Variants in GRAMD1B observed in about 807,000 individuals in gnomAD.
GRAMD1B encodes the protein protein Aster-B.
In GRAMD1B, 37 loss-of-function variants were observed where a neutral mutation model predicts 99.7. The observed-to-expected ratio is 0.37, with a 90% confidence interval of 0.29 to 0.49. The LOEUF is 0.49. GRAMD1B is among the 20% of genes least tolerant of loss of function. GRAMD1B has a pLI of 0.98. For synonymous variants in GRAMD1B, 427 were observed against 387.6 expected, an observed-to-expected ratio of 1.10 and a Z score of -1.19; for missense variants, 888 against 1,009.2, an observed-to-expected ratio of 0.88 and a Z score of 1.63.
chr11:123,573,267 C>T (rs938993663), intron 2 of GRAMD1B, among the ~76,000 whole-genome samples: 2 of 152,274 alleles, frequency 1.3e-5, no homozygotes, highest in Admixed American at 6.5e-5. Context: ...AATTGAGGAA[C>T]ATATAGTCTA....
intron 4 of GRAMD1B, among the ~76,000 whole-genome samples, chr11:123,592,323 A>C (rs1365745955): frequency 6.6e-6 from 1 of 152,206 alleles, no homozygotes; most frequent in African/African-American, 2.4e-5. Flanking sequence ...GAGGCAGCAC[A>C]GAGTAGGGGC....
intron 2 of GRAMD1B, among the ~76,000 whole-genome samples, chr11:123,576,588 G>T (rs1433879094): frequency 6.6e-6 from 1 of 152,166 alleles, no homozygotes; most frequent in African/African-American, 2.4e-5. Flanking sequence ...AAGTGGATTT[G>T]GTCCTGTGGG....
chr11:123,530,922 G>C (rs987059040), intron 2 of GRAMD1B, among the ~76,000 whole-genome samples: 8 of 152,120 alleles, frequency 5.3e-5, no homozygotes, highest in Non-Finnish European at 1.0e-4. Flanking sequence ...TGCCTTGGGT[G>C]GTGGTGGTTT....
Position 123,415,344 on chromosome 11 carries a change from G to T in GRAMD1B, c.-176+56545G>T, listed in dbSNP as rs1206821778. ...TCTCGATTTCTTGATCTCATGATCCGCCTGCCTCGGCCTCCCAAAGTGCTG... is the reference window on the plus strand; with the variant it reads ...TCTCGATTTCTTGATCTCATGATCCTCCTGCCTCGGCCTCCCAAAGTGCTG... On this transcript the variant is annotated intron_variant, in intron 1 of 20. Coordinates refer to the GRAMD1B transcript ENST00000638157. 3.3e-5 allele frequency among the ~76,000 whole-genome samples: 5 copies of T among 152,020 alleles called. No individual in the cohort carries two copies. The East Asian group carries it at 7.8e-4, about 24-fold the overall frequency.
intron 1 of GRAMD1B, among the ~76,000 whole-genome samples, chr11:123,372,598 G>C (rs1445219946): frequency 6.6e-6 from 1 of 151,912 alleles, no homozygotes; most frequent in Non-Finnish European, 1.5e-5. Flanking sequence ...AAAGTATTCT[G>C]GTTCTCCATT....
chr11:123,448,102 C>G (rs1389356341), intron 1 of GRAMD1B, among the ~76,000 whole-genome samples: 1 of 152,142 alleles, frequency 6.6e-6, no homozygotes, highest in Non-Finnish European at 1.5e-5. Context: ...CTGCTGGACT[C>G]AAGCAATCCT....
At chr11:123,602,515 A>ATT (rs201806003) in intron 8 of GRAMD1B, among the ~76,000 whole-genome samples, 2 of 147,960 alleles carry the variant, frequency 1.4e-5, no homozygotes, top group South Asian at 2.1e-4. Flanking sequence ...TTGAAATGGG[A>ATT]TTTTTTTTTT....
At chr11:123,459,723 C>T (rs1439370877) in intron 1 of GRAMD1B, 1 of 152,100 alleles carries the variant, frequency 6.6e-6, no homozygotes, top group Non-Finnish European at 1.5e-5. Flanking sequence ...ATGATGTGAA[C>T]TGGTTATTCA....
At chr11:123,366,742 A>G (rs1946332766) in intron 1 of GRAMD1B, among the ~76,000 whole-genome samples, 1 of 152,236 alleles carries the variant, frequency 6.6e-6, no homozygotes, top group Non-Finnish European at 1.5e-5. Flanking sequence ...TTTTCAGAGC[A>G]CTGGTGAAGT....
At chr11:123,504,494 A>G (rs969220216) in intron 2 of GRAMD1B, among the ~76,000 whole-genome samples, 4 of 152,118 alleles carry the variant, frequency 2.6e-5, no homozygotes, top group Admixed American at 6.5e-5. Context: ...TTCCGCTTCA[A>G]GCCTTTATAC....
chr11:123,567,096 G>A (rs1038047767), intron 2 of GRAMD1B, among the ~76,000 whole-genome samples: 25 of 152,142 alleles, frequency 1.6e-4, no homozygotes, highest in African/African-American at 5.8e-4. Flanking sequence ...TGATCTGAAG[G>A]CTGAAAAGGA....
At chr11:123,450,076 A>G (rs1012189337) in intron 1 of GRAMD1B, among the ~76,000 whole-genome samples, 1 of 152,100 alleles carries the variant, frequency 6.6e-6, no homozygotes, top group Non-Finnish European at 1.5e-5. Flanking sequence ...AACTTGGCAT[A>G]GTTAGGTGGA....
chr11:123,414,219 A>G (rs1948151726), intron 1 of GRAMD1B, among the ~76,000 whole-genome samples: 1 of 151,920 alleles, frequency 6.6e-6, no homozygotes, highest in Non-Finnish European at 1.5e-5. Flanking sequence ...TAATTTTTGT[A>G]TTTTTAGTAG....
At chr11:123,423,280 A>G (rs939965020) in intron 1 of GRAMD1B, among the ~76,000 whole-genome samples, 4 of 151,636 alleles carry the variant, frequency 2.6e-5, no homozygotes, top group Non-Finnish European at 5.9e-5. Context: ...TAAAAGAAAA[A>G]AAAACCTTAT....
intron 2 of GRAMD1B, among the ~76,000 whole-genome samples, chr11:123,537,715 T>C (rs1944109136): frequency 6.6e-6 from 1 of 152,244 alleles, no homozygotes; most frequent in Non-Finnish European, 1.5e-5. Context: ...GTGGGGCCTA[T>C]GAGTAATAGG....
chr11:123,532,520 C>A (rs76642989), intron 2 of GRAMD1B, among the ~76,000 whole-genome samples: 1 of 152,182 alleles, frequency 6.6e-6, no homozygotes, highest in Non-Finnish European at 1.5e-5. Flanking sequence ...AGTGTGGGCA[C>A]GGGCTGATGC....
intron 1 of GRAMD1B, among the ~76,000 whole-genome samples, chr11:123,381,969 C>T (rs569234398): frequency 6.6e-6 from 1 of 152,208 alleles, no homozygotes; most frequent in South Asian, 2.1e-4. Context: ...AAGTGCTATA[C>T]TGGGAAAAGG....
chr11:123,520,108 C>T (rs1402791671), intron 2 of GRAMD1B, among the ~76,000 whole-genome samples: 4 of 152,140 alleles, frequency 2.6e-5, no homozygotes, highest in African/African-American at 7.2e-5. Context: ...CCAGGGTAGG[C>T]GAGACTTTAA....
chr11:123,548,347 C>CATATATATATATATATATATAT (rs1565357831), intron 2 of GRAMD1B, among the ~76,000 whole-genome samples: 4 of 115,196 alleles, frequency 3.5e-5, no homozygotes, highest in African/African-American at 1.3e-4. Context: ...CACACACACA[C>CATATATATATATATATATATAT]ACATATATAT....
Sources: allele counts gnomAD v4.1 joint callset (sites outside exome capture counted in the v4.1 genomes callset), GRCh38; gene constraint gnomAD v4.1.1; transcripts MANE v1.5; gene names NCBI Gene and HGNC (gene_info 2026-07-23, HGNC 2026-07-21).